Variants in ZFAT observed in about 807,000 individuals in gnomAD.
ZFAT encodes zinc finger and AT-hook domain containing, also known as zinc finger protein ZFAT.
ZFAT carries 64 observed loss-of-function variants against 117.7 expected under a neutral mutation model. The observed-to-expected ratio is 0.54, with a 90% CI of 0.44 to 0.67. ZFAT has a LOEUF of 0.67. Ranked by LOEUF, ZFAT falls within the 30% of genes least tolerant of loss-of-function variation. ZFAT has a pLI of 0.00. For synonymous variants in ZFAT, 679 were observed against 615.0 expected (o/e 1.10, Z -1.54); for missense variants, 1,433 against 1,584.5 (o/e 0.90, Z 1.62).
At chr8:134,712,743 G>GCCGGCGC in intron 1 of ZFAT, 102 bp downstream of exon 1, 5 of 1,192,152 alleles carry the variant, frequency 4.2e-6, no homozygotes, top group Non-Finnish European at 4.4e-6. Context: ...GCGGCCGGCG[G>GCCGGCGC]CCGGCGCACT....
chr8:134,552,686 C>T (rs941747797), intron 11 of ZFAT, among the ~76,000 whole-genome samples: 2 of 152,200 alleles, frequency 1.3e-5, no homozygotes, highest in Admixed American at 1.3e-4. Context: ...GCCAGTCTCA[C>T]CTTCTGGAGG....
the ZFAT span, among the ~76,000 whole-genome samples, chr8:134,721,694 C>T: frequency 6.6e-6 from 1 of 152,164 alleles, no homozygotes; most frequent in Non-Finnish European, 1.5e-5. Context: ...TCTGTGAAAC[C>T]CTCCTTCTTC....
intron 8 of ZFAT, 37 bp downstream of exon 8, chr8:134,590,231 T>C: frequency 6.6e-7 from 1 of 1,511,502 alleles, no homozygotes; most frequent in Non-Finnish European, 9.1e-7. Flanking sequence ...TAAGCATTTT[T>C]AACATTAATC....
chr8:134,510,403 T>C (rs1000234716), intron 14 of ZFAT, among the ~76,000 whole-genome samples: 4 of 152,122 alleles, frequency 2.6e-5, no homozygotes, highest in Admixed American at 6.5e-5. Context: ...AAAAGAGAAA[T>C]GACTGCTTGA....
intron 2 of ZFAT, among the ~76,000 whole-genome samples, chr8:134,656,757 A>G (rs1290406733): frequency 6.6e-6 from 1 of 152,238 alleles, no homozygotes; most frequent in Non-Finnish European, 1.5e-5. Flanking sequence ...GCTTCTGCAC[A>G]GGTGCCCAGC....
In ZFAT at chr8:134,637,526, G is replaced by A. The variant is rs143917098; in HGVS notation, c.383C>T (p.Thr128Met). The A allele has an allele frequency of 1.5e-4, 238 of 1,614,196 alleles. No homozygotes were observed. In the East Asian group the frequency reaches 4.7e-3, roughly 32 times the overall value. The change falls in exon 3 of 16, where the codon ACG becomes ATG. Residue 128 changes from threonine to methionine, a missense_variant. Physicochemically the swap from Thr to Met is moderately conservative, Grantham distance 81. Transcript: ENST00000377838. ...GCAGATGTGCTTCCGCAGCTGGCGCGTGTTGGAGAACTTCCGACAGCACTT... is the reference window on the plus strand; with the variant it reads ...GCAGATGTGCTTCCGCAGCTGGCGCATGTTGGAGAACTTCCGACAGCACTT... ...CSKCCRKFSN[T>M]RQLRKHICII... is the part of the protein sequence containing the mutation.
intron 10 of ZFAT, among the ~76,000 whole-genome samples, chr8:134,573,195 A>T (rs1384677726): frequency 6.6e-6 from 1 of 152,168 alleles, no homozygotes; most frequent in Non-Finnish European, 1.5e-5. Flanking sequence ...CCTCCTTTGT[A>T]ACAATCCATT....
At chr8:134,649,165 T>TCTCA (rs1554614264) in intron 2 of ZFAT, among the ~76,000 whole-genome samples, 55 of 77,056 alleles carry the variant, frequency 7.1e-4, no homozygotes, top group East Asian at 3.3e-3. Flanking sequence ...CATCTATCTC[T>TCTCA]CACACACACA....
chr8:134,623,089 CCT>C (rs1186211855), intron 3 of ZFAT, among the ~76,000 whole-genome samples: 2 of 152,126 alleles, frequency 1.3e-5, no homozygotes, highest in Non-Finnish European at 1.5e-5. Context: ...CTGGATGACT[CCT>C]CGCTCCATTC....
chr8:134,825,572 G>T, the ZFAT span, among the ~76,000 whole-genome samples: 7 of 152,158 alleles, frequency 4.6e-5, no homozygotes, highest in East Asian at 5.8e-4. Context: ...CTCTATCAGC[G>T]CATTAGAAGT....
chr8:134,743,016 A>T, the ZFAT span, among the ~76,000 whole-genome samples: 1 of 152,200 alleles, frequency 6.6e-6, no homozygotes, highest in Non-Finnish European at 1.5e-5. Context: ...GGACTGTCAC[A>T]ACTGCTTCAC....
At chr8:134,733,022 TA>T in the ZFAT span, among the ~76,000 whole-genome samples, 1 of 152,196 alleles carries the variant, frequency 6.6e-6, no homozygotes, top group Non-Finnish European at 1.5e-5. Flanking sequence ...TGTGCCACAC[TA>T]ATATAAGGTG....
the ZFAT span, among the ~76,000 whole-genome samples, chr8:134,728,671 T>C: frequency 6.6e-6 from 1 of 152,166 alleles, no homozygotes; most frequent in Non-Finnish European, 1.5e-5. Flanking sequence ...GGTGAAAAAT[T>C]AGCCAAGGAT....
At chr8:134,533,438 C>T (rs10109671) in intron 11 of ZFAT, among the ~76,000 whole-genome samples, 11,080 of 152,276 alleles carry the variant, frequency 0.073, 1,016 homozygotes, top group African/African-American at 0.22. Context: ...GGTTCTACCA[C>T]ACAGCCTGCA....
chr8:134,744,217 T>A, the ZFAT span, among the ~76,000 whole-genome samples: 1 of 152,054 alleles, frequency 6.6e-6, no homozygotes, highest in Non-Finnish European at 1.5e-5. Context: ...CTTATGACCG[T>A]ATGACTGAGG....
At chr8:134,517,635 T>C (rs1169412218) in intron 13 of ZFAT, among the ~76,000 whole-genome samples, 5 of 152,236 alleles carry the variant, frequency 3.3e-5, no homozygotes, top group Non-Finnish European at 7.3e-5. Context: ...GGTTTTCTCA[T>C]TAATGTTCTT....
chr8:134,723,327 G>C, the ZFAT span: 1 of 152,368 alleles, frequency 6.6e-6, no homozygotes, highest in Non-Finnish European at 1.5e-5. Flanking sequence ...GGGAGGCAGA[G>C]GGCATCCTCA....
intron 15 of ZFAT, among the ~76,000 whole-genome samples, chr8:134,496,883 C>G (rs752136307): frequency 1.1e-4 from 16 of 152,212 alleles, no homozygotes; most frequent in Non-Finnish European, 1.8e-4. Context: ...CCTAATTGCC[C>G]CCTCAGGGCA....
At chr8:134,664,379 C>G (rs1832100414) in intron 1 of ZFAT, among the ~76,000 whole-genome samples, 1 of 152,202 alleles carries the variant, frequency 6.6e-6, no homozygotes, top group Non-Finnish European at 1.5e-5. Flanking sequence ...CACGAGACCA[C>G]AAAACTCCCC....
Sources: allele counts gnomAD v4.1 joint callset (sites outside exome capture counted in the v4.1 genomes callset), GRCh38; gene constraint gnomAD v4.1.1; transcripts MANE v1.5; gene names NCBI Gene and HGNC (gene_info 2026-07-23, HGNC 2026-07-21).